The following DLGAP2 variants were observed in gnomAD, a reference collection of about 807,000 sequenced individuals.
The protein encoded by DLGAP2 is DLG associated protein 2, also known as disks large-associated protein 2.
DLGAP2 carries 26 observed loss-of-function variants against 100.3 expected under a neutral mutation model. The ratio of observed to expected loss-of-function variants is 0.26; its 90% CI spans 0.19 to 0.36. DLGAP2 has a LOEUF of 0.36. DLGAP2 is among the 10% of genes least tolerant of loss of function. DLGAP2 has a pLI of 1.00. For synonymous variants in DLGAP2, 886 were observed against 630.1 expected, an observed-to-expected ratio of 1.41 and a Z score of -6.08; for missense variants, 1,858 against 1,453.2, an observed-to-expected ratio of 1.28 and a Z score of -4.53.
chr8:840,468 A>G (rs182405163), intron 1 of DLGAP2, among the ~76,000 whole-genome samples: 46 of 84,976 alleles, frequency 5.4e-4, no homozygotes, highest in South Asian at 1.6e-3. Context: ...TCTACACGGT[A>G]CATGCCTGCA....
At chr8:1,454,981 A>G (rs1359550820) in intron 3 of DLGAP2, among the ~76,000 whole-genome samples, 2 of 151,760 alleles carry the variant, frequency 1.3e-5, no homozygotes, top group Non-Finnish European at 2.9e-5. Context: ...ACATTCACCC[A>G]TGGTAAGGCA....
intron 2 of DLGAP2, among the ~76,000 whole-genome samples, chr8:1,252,362 G>C (rs1173464062): frequency 6.9e-6 from 1 of 143,974 alleles, no homozygotes; most frequent in Non-Finnish European, 1.6e-5. Flanking sequence ...TGTCACACTT[G>C]CCACACTGTG....
intron 2 of DLGAP2, among the ~76,000 whole-genome samples, chr8:1,157,119 G>T (rs1489658494): frequency 2.0e-5 from 3 of 152,116 alleles, no homozygotes; most frequent in African/African-American, 7.2e-5. Flanking sequence ...TTATCCTTTG[G>T]TCTTTCCTGG....
chr8:1,199,904 C>G (rs1382529513), intron 2 of DLGAP2, among the ~76,000 whole-genome samples: 5 of 152,024 alleles, frequency 3.3e-5, no homozygotes, highest in Non-Finnish European at 5.9e-5. Context: ...ACCGCCCCCT[C>G]CCCTGGTGAT....
intron 4 of DLGAP2, among the ~76,000 whole-genome samples, chr8:1,543,143 T>A (rs1801418606): frequency 6.6e-6 from 1 of 152,246 alleles, no homozygotes; most frequent in African/African-American, 2.4e-5. Flanking sequence ...TGTTTCCCAT[T>A]CTGTGGATGG....
intron 4 of DLGAP2, among the ~76,000 whole-genome samples, chr8:1,503,519 G>A (rs186942501): frequency 9.9e-5 from 15 of 152,194 alleles, no homozygotes; most frequent in Admixed American, 2.0e-4. Flanking sequence ...CCATTCCTCC[G>A]TGGACAGACC....
chr8:924,696 C>T (rs767589550), intron 2 of DLGAP2, among the ~76,000 whole-genome samples: 1 of 152,010 alleles, frequency 6.6e-6, no homozygotes, highest in African/African-American at 2.4e-5. Flanking sequence ...GATTTTCCTG[C>T]CTCAGCCTCC....
intron 1 of DLGAP2, among the ~76,000 whole-genome samples, chr8:759,843 C>T (rs781560492): frequency 2.0e-5 from 3 of 152,154 alleles, no homozygotes; most frequent in Non-Finnish European, 4.4e-5. Context: ...TAACTTTAAA[C>T]GATAAATTGC....
At chr8:891,103 T>A (rs914814225) in intron 1 of DLGAP2, 1 of 151,704 alleles carries the variant, frequency 6.6e-6, no homozygotes, top group African/African-American at 2.4e-5. Context: ...TTTCAGAGGC[T>A]GTGAGGAATT....
At chr8:822,679 T>C (rs552772259) in intron 1 of DLGAP2, among the ~76,000 whole-genome samples, 1 of 152,334 alleles carries the variant, frequency 6.6e-6, no homozygotes, top group East Asian at 1.9e-4. Context: ...TGAACTGTTT[T>C]CCAGTGGCTT....
chr8:1,241,289 C>A (rs1206677611), intron 2 of DLGAP2, among the ~76,000 whole-genome samples: 1 of 151,790 alleles, frequency 6.6e-6, no homozygotes, highest in African/African-American at 2.4e-5. Context: ...GTGTCTCATT[C>A]TCTCACATGG....
chr8:1,157,342 G>A (rs1156231260), intron 2 of DLGAP2, among the ~76,000 whole-genome samples: 2 of 152,180 alleles, frequency 1.3e-5, no homozygotes, highest in Admixed American at 6.5e-5. Context: ...CACTTCCAGC[G>A]ACGACGGCCC....
chr8:1,061,246 C>T (rs995359555), intron 2 of DLGAP2, among the ~76,000 whole-genome samples: 3 of 152,076 alleles, frequency 2.0e-5, no homozygotes, highest in African/African-American at 7.2e-5. Context: ...GGAATAGTTG[C>T]GGGGAAATTT....
intron 3 of DLGAP2, among the ~76,000 whole-genome samples, chr8:1,293,055 G>A (rs1800096017): frequency 1.3e-5 from 2 of 152,144 alleles, no homozygotes; most frequent in Admixed American, 6.5e-5. Context: ...AAAGCAGCTG[G>A]AGTAAGTCAA....
At chr8:1,020,583 G>T (rs138393436) in intron 2 of DLGAP2, among the ~76,000 whole-genome samples, 2 of 152,210 alleles carry the variant, frequency 1.3e-5, no homozygotes, top group African/African-American at 2.4e-5. Context: ...GAGAGTGAAC[G>T]CATTGACAGC....
chr8:1,661,202 C>G (rs544605437), intron 8 of DLGAP2, among the ~76,000 whole-genome samples: 5 of 152,244 alleles, frequency 3.3e-5, no homozygotes, highest in African/African-American at 1.2e-4. Context: ...CAGGAGAGCT[C>G]TCATTCTCAG....
chr8:1,501,886 C>A (rs1046929016), intron 4 of DLGAP2, among the ~76,000 whole-genome samples: 1 of 152,162 alleles, frequency 6.6e-6, no homozygotes, highest in Non-Finnish European at 1.5e-5. Context: ...AAGGGCCCTG[C>A]GAGAGGCTGC....
chr8:1,517,537 C>T (rs544407351), intron 4 of DLGAP2, among the ~76,000 whole-genome samples: 5 of 152,266 alleles, frequency 3.3e-5, no homozygotes, highest in African/African-American at 7.2e-5. Flanking sequence ...GCAGAAGAGC[C>T]GCTCCTCTTT....
intron 1 of DLGAP2, chr8:883,114 G>C (rs1342087234): frequency 6.6e-6 from 1 of 152,576 alleles, no homozygotes; most frequent in South Asian, 2.1e-4. Flanking sequence ...GTCCTGTGTT[G>C]CTGGAATGGA....
Sources: allele counts gnomAD v4.1 joint callset (sites outside exome capture counted in the v4.1 genomes callset), GRCh38; gene constraint gnomAD v4.1.1; transcripts MANE v1.5; gene names NCBI Gene and HGNC (gene_info 2026-07-23, HGNC 2026-07-21).